Variants in RNF6 observed in about 807,000 individuals in gnomAD.
RNF6 encodes ring finger protein 6, also known as E3 ubiquitin-protein ligase RNF6.
A neutral mutation model predicts 50.1 loss-of-function variants in RNF6; 21 were observed. The observed-to-expected ratio is 0.42, with a 90% CI of 0.30 to 0.60. The LOEUF (loss-of-function observed/expected upper bound fraction) is 0.60, where lower values mean the gene tolerates loss of function less well. RNF6 is among the 20% of genes least tolerant of loss of function. RNF6 has a pLI of 0.20. For missense variants in RNF6, 698 were observed against 838.2 expected, an observed-to-expected ratio of 0.83 and a Z score of 2.07; for synonymous variants, 255 against 291.8, an observed-to-expected ratio of 0.87 and a Z score of 1.29.
chr13:26,148,636 A>C lies in RNF6; in HGVS notation n.769-16185T>G, dbSNP rs1166067950. On this transcript the variant is annotated intron_variant and non_coding_transcript_variant, in intron 5 of 5. Transcript: ENST00000468480. ...GAAACAATAGTATAAATCTCTTTATATATATATATATATATATATATATAT... is the reference window on the plus strand; with the variant it reads ...GAAACAATAGTATAAATCTCTTTATCTATATATATATATATATATATATAT... Among the ~76,000 whole-genome samples the C allele has an allele frequency of 9.8e-4, 81 of 82,512 alleles. 1 individual carries two copies. Among genetic ancestry groups the C allele is most frequent in the African/African-American group, 3.0e-3 (81 of 26,666 alleles). 54.1% of individuals were successfully genotyped at this position (82,512 alleles called of 152,430 possible).
At chr13:26,218,457 T>A in intron 4 of RNF6, 54 bp downstream of exon 4, 2 of 1,394,824 alleles carry the variant, frequency 1.4e-6, no homozygotes, top group Non-Finnish European at 2.0e-6. Context: ...AAGAATTTCA[T>A]TTCTGCAAGT....
chr13:26,150,787 A>G (rs1593150319), intron 5 of RNF6: 1 of 152,202 alleles, frequency 6.6e-6, no homozygotes, highest in African/African-American at 2.4e-5. Flanking sequence ...AGAACATTTC[A>G]TTATTTAACA....
chr13:26,208,343 A>G (rs1188535377), downstream of RNF6, among the ~76,000 whole-genome samples: 1 of 152,196 alleles, frequency 6.6e-6, no homozygotes, highest in Non-Finnish European at 1.5e-5. Context: ...ACCAGCCCCC[A>G]GTAAAATTTT....
intron 5 of RNF6, among the ~76,000 whole-genome samples, chr13:26,165,715 T>A (rs1872419346): frequency 4.6e-5 from 7 of 152,224 alleles, no homozygotes; most frequent in Admixed American, 4.6e-4. Flanking sequence ...ATTTTGGACT[T>A]GCATGGGGCC....
intron 4 of RNF6, 131 bp from the exon 5 acceptor site, chr13:26,215,723 G>A: frequency 6.6e-6 from 5 of 761,732 alleles, no homozygotes; most frequent in South Asian, 4.5e-5. Flanking sequence ...AATGAAAGAT[G>A]GCAAAAAGAC....
At position 26,214,124 on chromosome 13, in the gene RNF6, A is replaced by G. The variant is rs1869552101; in HGVS notation, c.1758T>C (p.Leu586=). Residue 586 remains leucine, a synonymous_variant, in exon 5 of 5, where the codon CTT becomes CTC. Coordinates refer to ENST00000381588, the MANE Select transcript of RNF6 (RefSeq NM_005977.4). ...TTAGTAAAAAAAAGTGAGCAAGGCG[A>G]AGAATGGGTAGTGTTCCAGTTTCAA... is the stretch of plus-strand genomic sequence containing the variant. The part of the protein sequence containing the change: ...NLVETGTLPI[L]RLAHFFLLNE... The G allele has an allele frequency of 6.2e-7, 1 of 1,614,222 alleles. No individual in the cohort carries two copies.
At position 26,213,977 on chromosome 13, in the gene RNF6, A is replaced by G. The variant is rs301047; in HGVS notation, c.1905T>C (p.Cys635=). The change falls in exon 5 of 5, where the codon TGT becomes TGC. Residue 635 remains cysteine (C), a synonymous_variant. Coordinates refer to ENST00000381588, the MANE Select transcript of RNF6 (RefSeq NM_005977.4). ...DSELGKICSV[C]ISDYVTGNKL... is the part of the protein sequence containing the mutation. The stretch of plus-strand genomic sequence containing the variant: ...TGTTTCCAGTTACATAGTCACTAAT[A>G]CAAACACTACAGATTTTACCTAGTT... The G allele has an allele frequency of 0.19, 302,405 of 1,613,982 alleles. 29,640 individuals are homozygous for G. Among genetic ancestry groups the G allele is most frequent in the African/African-American group, 0.28 (21,276 of 74,958 alleles).
intron 5 of RNF6, among the ~76,000 whole-genome samples, chr13:26,158,443 T>C (rs190060970): frequency 3.9e-5 from 6 of 152,292 alleles, no homozygotes; most frequent in African/African-American, 1.4e-4. Flanking sequence ...TAGATAAATA[T>C]AAAGTAAATT....
At chr13:26,151,625 T>TTTTC (rs1318230426) in intron 5 of RNF6, among the ~76,000 whole-genome samples, 1 of 148,820 alleles carries the variant, frequency 6.7e-6, no homozygotes, top group South Asian at 2.1e-4. Flanking sequence ...TTTTTTCTTT[T>TTTTC]TTTTTTTTTG....
chr13:26,184,006 A>G (rs866845367), intron 5 of RNF6, among the ~76,000 whole-genome samples: 2 of 10,166 alleles, frequency 2.0e-4, no homozygotes, highest in African/African-American at 4.7e-4. Context: ...ATATATATAT[A>G]TATATATATA....
At chr13:26,208,173 T>C (rs1388512960), downstream of RNF6, among the ~76,000 whole-genome samples, 1 of 152,238 alleles carries the variant, frequency 6.6e-6, no homozygotes, top group Non-Finnish European at 1.5e-5. Context: ...GGCTCTTAGC[T>C]GGCAGCCTGG....
chr13:26,162,937 T>C (rs1295246667), intron 5 of RNF6, among the ~76,000 whole-genome samples: 1 of 152,260 alleles, frequency 6.6e-6, no homozygotes, highest in Non-Finnish European at 1.5e-5. Context: ...ATATTTGTTT[T>C]ATTGTGGAAA....
intron 5 of RNF6, among the ~76,000 whole-genome samples, chr13:26,185,039 C>G (rs1444404721): frequency 6.6e-6 from 1 of 152,158 alleles, no homozygotes; most frequent in Admixed American, 6.5e-5. Flanking sequence ...TCAGCCACCC[C>G]AAGCTGTAGT....
At chr13:26,177,634 GA>G (rs1309743979) in intron 5 of RNF6, among the ~76,000 whole-genome samples, 4 of 152,124 alleles carry the variant, frequency 2.6e-5, no homozygotes, top group Non-Finnish European at 5.9e-5. Flanking sequence ...TGTATCTCAA[GA>G]AAAGGCTTCA....
chr13:26,202,240 T>G (rs1356718971), intron 5 of RNF6, among the ~76,000 whole-genome samples: 1 of 152,188 alleles, frequency 6.6e-6, no homozygotes, highest in African/African-American at 2.4e-5. Flanking sequence ...TGAGTTGGTT[T>G]GAATATCAGA....
chr13:26,149,920 G>GTATATA (rs10690747), intron 5 of RNF6, among the ~76,000 whole-genome samples: 1 of 32,328 alleles, frequency 3.1e-5, no homozygotes, highest in Non-Finnish European at 5.9e-5. Flanking sequence ...TATATAATGT[G>GTATATA]TATATATATA....
intron 5 of RNF6, among the ~76,000 whole-genome samples, chr13:26,190,362 G>A (rs1193538479): frequency 6.6e-6 from 1 of 152,126 alleles, no homozygotes; most frequent in African/African-American, 2.4e-5. Context: ...TAGATATTAG[G>A]ATGTAAACAT....
At chr13:26,146,580 A>G (rs1253656853) in intron 5 of RNF6, among the ~76,000 whole-genome samples, 1 of 152,188 alleles carries the variant, frequency 6.6e-6, no homozygotes, top group African/African-American at 2.4e-5. Flanking sequence ...ATCTTAAATG[A>G]CAGATACACT....
At chr13:26,204,892 G>A (rs1281231587) in intron 5 of RNF6, among the ~76,000 whole-genome samples, 2 of 152,098 alleles carry the variant, frequency 1.3e-5, no homozygotes, top group African/African-American at 4.8e-5. Flanking sequence ...TGAATCTGCC[G>A]CTCTCTCTGA....
Sources: gnomAD v4.1 joint callset for allele counts (sites outside exome capture counted in the v4.1 genomes callset) on GRCh38, gnomAD v4.1.1 for gene constraint, MANE v1.5 for transcripts, NCBI Gene and HGNC (gene_info 2026-07-23, HGNC 2026-07-21) for gene names.